Variants in CEP128 observed in about 807,000 individuals in gnomAD.
CEP128 encodes the protein centrosomal protein 128kDa.
A neutral mutation model predicts 156.7 loss-of-function variants in CEP128; 132 were observed. The observed-to-expected ratio is 0.84, with a 90% CI of 0.73 to 0.97. CEP128 has a LOEUF of 0.97. CEP128 is among the 50% of genes least tolerant of loss of function. The pLI is 0.00. For synonymous variants in CEP128, 469 were observed against 448.9 expected, an observed-to-expected ratio of 1.04 and a Z score of -0.57; for missense variants, 1,252 against 1,281.9, an observed-to-expected ratio of 0.98 and a Z score of 0.36.
Position 80,883,814 on chromosome 14 carries a change from C to A in CEP128, c.645+11904G>T, listed in dbSNP as rs538579861. On this transcript the variant is annotated intron_variant, in intron 8 of 24. Transcript: ENST00000555265. Reference sequence around the variant, plus strand: ...GAACAAAACTGGAGGAACCACATCACCTGACTTCAAATTATACTACACAGC... The same window carrying A: ...GAACAAAACTGGAGGAACCACATCAACTGACTTCAAATTATACTACACAGC... Among the ~76,000 whole-genome samples the A allele has an allele frequency of 2.0e-5, 3 of 152,266 alleles. No homozygotes were observed. In the South Asian group the frequency reaches 6.2e-4, roughly 32 times the overall value.
Position 80,756,911 on chromosome 14 carries a change from C to T in CEP128, c.2594G>A (p.Arg865His), listed in dbSNP as rs1166133031. ...AATTACCTTGCTTTCTGCTAACCAGCGATGTGGGTCATAATGTATATCAGG... is the reference window on the plus strand; with the variant it reads ...AATTACCTTGCTTTCTGCTAACCAGTGATGTGGGTCATAATGTATATCAGG... ...SGPDIHYDPH[R>H]WLAESKTKLQ... Residue 865 changes from arginine (R) to histidine (H), a missense_variant, in exon 18 of 25, where the codon CGC becomes CAC. Arg to His is a conservative substitution (Grantham distance 29). Transcript: ENST00000555265. 3 of 1,598,684 alleles carry T rather than the reference C, an allele frequency of 1.9e-6. No homozygotes were observed. The highest frequency in any genetic ancestry group is 1.1e-5 in the South Asian group (1 of 89,994).
At chr14:80,925,122 G>A (rs1049807111) in intron 2 of CEP128, among the ~76,000 whole-genome samples, 2 of 151,996 alleles carry the variant, frequency 1.3e-5, no homozygotes, top group Non-Finnish European at 2.9e-5. Flanking sequence ...TAGAAAGAGA[G>A]GATCAATTTG....
intron 16 of CEP128, among the ~76,000 whole-genome samples, chr14:80,766,552 TA>T (rs1350690217): frequency 3.9e-5 from 6 of 152,124 alleles, no homozygotes; most frequent in Non-Finnish European, 7.4e-5. Context: ...ATCTCTTTGG[TA>T]AAAGGTTATG....
At chr14:80,887,805 A>C (rs1389193977) in intron 8 of CEP128, among the ~76,000 whole-genome samples, 1 of 152,182 alleles carries the variant, frequency 6.6e-6, no homozygotes, top group African/African-American at 2.4e-5. Flanking sequence ...AGATAGAGAC[A>C]CAAAAAAACC....
At chr14:80,797,665 C>T (rs967388815) in intron 13 of CEP128, among the ~76,000 whole-genome samples, 6 of 152,120 alleles carry the variant, frequency 3.9e-5, no homozygotes, top group Non-Finnish European at 1.5e-5. Context: ...CCACATCAAT[C>T]AAAGGACTAT....
chr14:80,509,631 C>T (rs1000669455), intron 23 of CEP128, among the ~76,000 whole-genome samples: 1 of 152,086 alleles, frequency 6.6e-6, no homozygotes, highest in African/African-American at 2.4e-5. Context: ...TGTGCAGAAT[C>T]TTTTTAACTT....
chr14:80,895,652 G>T, intron 8 of CEP128, 66 bp downstream of exon 8: 1 of 1,155,966 alleles, frequency 8.7e-7, no homozygotes, highest in South Asian at 1.5e-5. Flanking sequence ...ACTTCACTGT[G>T]ATTATGACCA....
At chr14:80,956,682 TAA>T (rs3216585) in intron 2 of CEP128, among the ~76,000 whole-genome samples, 3 of 151,294 alleles carry the variant, frequency 2.0e-5, no homozygotes, top group South Asian at 2.1e-4. Flanking sequence ...CCAGTTAAGA[TAA>T]AAAAAAATGC....
intron 19 of CEP128, among the ~76,000 whole-genome samples, chr14:80,621,193 A>G (rs1201984184): frequency 1.3e-5 from 2 of 152,208 alleles, no homozygotes; most frequent in African/African-American, 4.8e-5. Flanking sequence ...TTAAGTTAAG[A>G]AGGCAAATAA....
At chr14:80,780,799 T>C (rs1418426075) in intron 15 of CEP128, among the ~76,000 whole-genome samples, 1 of 152,212 alleles carries the variant, frequency 6.6e-6, no homozygotes, top group Non-Finnish European at 1.5e-5. Context: ...CCACTGAGCA[T>C]CTTCTGTATG....
At chr14:80,879,349 G>T (rs541563843) in intron 8 of CEP128, among the ~76,000 whole-genome samples, 1 of 152,100 alleles carries the variant, frequency 6.6e-6, no homozygotes, top group South Asian at 2.1e-4. Flanking sequence ...TGATCCCAAA[G>T]AAACAAAAAT....
chr14:80,888,531 A>G (rs190606164), intron 8 of CEP128, among the ~76,000 whole-genome samples: 37 of 152,318 alleles, frequency 2.4e-4, no homozygotes, highest in African/African-American at 7.5e-4. Flanking sequence ...GACAAAAACC[A>G]CATGATTATC....
chr14:80,547,008 A>C (rs775982404), intron 21 of CEP128, among the ~76,000 whole-genome samples: 1 of 152,228 alleles, frequency 6.6e-6, no homozygotes, highest in Non-Finnish European at 1.5e-5. Context: ...CTGAGATCAA[A>C]GTTTAATAAA....
At chr14:80,597,965 AAAAAAC>A (rs1209602372) in intron 19 of CEP128, among the ~76,000 whole-genome samples, 3 of 149,822 alleles carry the variant, frequency 2.0e-5, no homozygotes, top group South Asian at 2.1e-4. Context: ...AAAAAAAAAA[AAAAAAC>A]AAAACCCTAT....
chr14:80,659,198 T>C (rs1465279941), intron 19 of CEP128, among the ~76,000 whole-genome samples: 1 of 152,174 alleles, frequency 6.6e-6, no homozygotes, highest in African/African-American at 2.4e-5. Context: ...TAGGTCATAG[T>C]TCAGTTGGAG....
At chr14:80,714,046 G>A (rs762443803) in intron 19 of CEP128, among the ~76,000 whole-genome samples, 65 of 151,970 alleles carry the variant, frequency 4.3e-4, no homozygotes, top group Non-Finnish European at 1.8e-4. Context: ...GATGCACAGG[G>A]GATCCAATTT....
chr14:80,798,095 A>T (rs1883599215), intron 13 of CEP128, among the ~76,000 whole-genome samples: 1 of 152,172 alleles, frequency 6.6e-6, no homozygotes. Flanking sequence ...TCAAAAACAG[A>T]ATTATCCATA....
chr14:80,882,422 AT>A (rs1282608112), intron 8 of CEP128, among the ~76,000 whole-genome samples: 1 of 152,094 alleles, frequency 6.6e-6, no homozygotes, highest in Non-Finnish European at 1.5e-5. Flanking sequence ...ACAATAACAA[AT>A]GCTGGTGAGG....
In CEP128 at chr14:80,593,565, AG is replaced by A. The variant is rs375435159; in HGVS notation, c.2807-13143del. 4.3e-3 allele frequency among the ~76,000 whole-genome samples: 637 copies of A among 149,370 alleles called. 8 individuals carry two copies. The highest frequency in any genetic ancestry group is 0.024 in the South Asian group (111 of 4,680). On this transcript the variant is annotated intron_variant, in intron 19 of 24. Coordinates refer to ENST00000555265, the MANE Select transcript of CEP128 (RefSeq NM_152446.5). ...CCATCTCAAAAAAAAAAAAAAAAAAAGAAAACCCCATCTTCTCAGCCCCAAA... is the reference window on the plus strand; with the variant it reads ...CCATCTCAAAAAAAAAAAAAAAAAAAAAAACCCCATCTTCTCAGCCCCAAA...
Sources: allele counts gnomAD v4.1 joint callset (sites outside exome capture counted in the v4.1 genomes callset), GRCh38; gene constraint gnomAD v4.1.1; transcripts MANE v1.5; gene names NCBI Gene and HGNC (gene_info 2026-07-23, HGNC 2026-07-21).